ARHGAP10: variants seen among roughly 807,000 people sequenced by gnomAD.
The protein encoded by ARHGAP10 is Rho GTPase activating protein 10, also known as rho GTPase-activating protein 10.
In ARHGAP10, 87 loss-of-function variants were observed where a neutral mutation model predicts 108.6. The ratio of observed to expected loss-of-function variants is 0.80; its 90% confidence interval spans 0.67 to 0.96. The LOEUF (loss-of-function observed/expected upper bound fraction) is 0.96. Ranked by LOEUF, ARHGAP10 falls within the 40% of genes least tolerant of loss-of-function variation. The pLI, the probability that ARHGAP10 is intolerant of heterozygous loss-of-function variation, is 0.00. For missense variants in ARHGAP10, 939 were observed against 954.5 expected (o/e 0.98, Z 0.21); for synonymous variants, 347 against 341.1 (o/e 1.02, Z -0.19).
chr4:148,071,898 C>G, intron 22 of ARHGAP10, 95 bp from the exon 23 acceptor site: 1 of 1,029,086 alleles, frequency 9.7e-7, no homozygotes, highest in East Asian at 2.4e-5. Context: ...CCCCTGTTCT[C>G]TACTGGCCAC....
At chr4:148,070,063 A>C (rs913067378) in intron 22 of ARHGAP10, among the ~76,000 whole-genome samples, 1 of 152,202 alleles carries the variant, frequency 6.6e-6, no homozygotes, top group Non-Finnish European at 1.5e-5. Context: ...TACACAGATA[A>C]TCATGTGTCT....
chr4:147,872,384 A>T (rs1345479178), intron 7 of ARHGAP10, among the ~76,000 whole-genome samples: 1 of 152,220 alleles, frequency 6.6e-6, no homozygotes, highest in Non-Finnish European at 1.5e-5. Context: ...AAGAAACCTG[A>T]AGAACTGGAG....
At position 147,875,062 on chromosome 4, in the gene ARHGAP10, G is replaced by A. The variant is rs371591903; in HGVS notation, c.744G>A (p.Glu248=). The A allele has an allele frequency of 2.1e-4, 333 of 1,608,968 alleles. 4 individuals carry two copies. The South Asian group carries it at 3.5e-3, about 17-fold the overall frequency. The change falls in exon 8 of 23, where the codon GAG becomes GAA. Residue 248 remains glutamate, a synonymous_variant. Transcript: ENST00000336498. The part of the protein sequence containing the change: ...RFEGTRSEVE[E]LMNKIRQNPK... Reference sequence around the variant, plus strand: ...AAGGAACAAGGTCAGAAGTGGAAGAGCTCATGAACAAAATCAGACAGAATC... The same window carrying A: ...AAGGAACAAGGTCAGAAGTGGAAGAACTCATGAACAAAATCAGACAGAATC...
At chr4:147,780,254 C>A (rs756583468) in intron 1 of ARHGAP10, among the ~76,000 whole-genome samples, 1 of 152,108 alleles carries the variant, frequency 6.6e-6, no homozygotes. Flanking sequence ...GAGCTGGTCC[C>A]GTGTCTGGAT....
chr4:147,985,396 G>A (rs1739999197), intron 18 of ARHGAP10, among the ~76,000 whole-genome samples: 1 of 152,180 alleles, frequency 6.6e-6, no homozygotes. Context: ...AGGAGAGGAG[G>A]CTGGGCACCC....
chr4:147,981,565 G>C (rs1169468227), intron 18 of ARHGAP10, among the ~76,000 whole-genome samples: 1 of 152,178 alleles, frequency 6.6e-6, no homozygotes, highest in Non-Finnish European at 1.5e-5. Context: ...ATGCCTATTA[G>C]GTCCGGTTAG....
At chr4:147,800,195 C>T (rs1262439556) in intron 1 of ARHGAP10, among the ~76,000 whole-genome samples, 3 of 152,186 alleles carry the variant, frequency 2.0e-5, no homozygotes, top group Admixed American at 6.5e-5. Flanking sequence ...GAAACGTAGT[C>T]TCAGGACCCT....
At chr4:147,949,235 C>G (rs1259543022) in intron 15 of ARHGAP10, among the ~76,000 whole-genome samples, 2 of 152,170 alleles carry the variant, frequency 1.3e-5, no homozygotes, top group Non-Finnish European at 2.9e-5. Context: ...ATACTTATAT[C>G]AGTATTGCCA....
rs1205300682 is a variant in ARHGAP10 at position 147,761,157 on chromosome 4, C to CA, written c.154+28703dup. Among the ~76,000 whole-genome samples, 6 of 151,856 alleles carry CA rather than the reference C, an allele frequency of 4.0e-5. No homozygotes were observed. In the East Asian group the frequency reaches 1.2e-3, roughly 29 times the overall value. On this transcript the variant is annotated intron_variant, in intron 1 of 22. Coordinates refer to ENST00000336498, the MANE Select transcript of ARHGAP10 (RefSeq NM_024605.4). ...TCAGCCTCCCGAGTAGTTGGGATTACAGGCATGCACCACCATGCCCAGCTG... is the reference window on the plus strand; with the variant it reads ...TCAGCCTCCCGAGTAGTTGGGATTACAAGGCATGCACCACCATGCCCAGCTG...
In ARHGAP10 at chr4:147,847,392, A is replaced by G. The variant is rs375924397; in HGVS notation, c.384+170A>G. 2.7e-4 allele frequency among the ~76,000 whole-genome samples: 41 copies of G among 152,386 alleles called. No homozygotes were observed. In the South Asian group the frequency reaches 7.7e-3, roughly 28 times the overall value. On this transcript the variant is annotated intron_variant, in intron 4 of 22. Coordinates refer to ENST00000336498, the MANE Select transcript of ARHGAP10 (RefSeq NM_024605.4). ...GGGATATGGAATTGGAAACAAAACA[A>G]AAACACCTGGACAAGATGGTAAAAC...
intron 13 of ARHGAP10, among the ~76,000 whole-genome samples, chr4:147,931,664 G>A (rs752007138): frequency 8.5e-5 from 13 of 152,126 alleles, no homozygotes; most frequent in Non-Finnish European, 1.5e-4. Flanking sequence ...GTGGAATACA[G>A]GTTCACGATT....
At chr4:147,814,205 C>T (rs571503016) in intron 1 of ARHGAP10, among the ~76,000 whole-genome samples, 11 of 151,808 alleles carry the variant, frequency 7.2e-5, no homozygotes, top group South Asian at 2.1e-4. Flanking sequence ...AGTCGTTGGT[C>T]GTTTCTTGTG....
intron 1 of ARHGAP10, among the ~76,000 whole-genome samples, chr4:147,774,383 G>A (rs1218651717): frequency 1.3e-5 from 2 of 152,318 alleles, no homozygotes; most frequent in East Asian, 3.9e-4. Flanking sequence ...GGTATCCAAT[G>A]TTGTTGGATG....
chr4:147,773,622 TAAGG>T (rs1730166177), intron 1 of ARHGAP10, among the ~76,000 whole-genome samples: 1 of 152,192 alleles, frequency 6.6e-6, no homozygotes, highest in African/African-American at 2.4e-5. Flanking sequence ...CATGATGTCA[TAAGG>T]ATTTAAAAAC....
chr4:147,850,088 T>G (rs1733801314), intron 4 of ARHGAP10, among the ~76,000 whole-genome samples: 1 of 152,164 alleles, frequency 6.6e-6, no homozygotes, highest in Admixed American at 6.5e-5. Flanking sequence ...CAACCAGCAC[T>G]CTGTGTCTAG....
At chr4:147,784,671 TATATTATA>T (rs1183807592) in intron 1 of ARHGAP10, among the ~76,000 whole-genome samples, 1 of 80,030 alleles carries the variant, frequency 1.2e-5, no homozygotes, top group Non-Finnish European at 1.9e-5. Flanking sequence ...ATATATATTA[TATATTATA>T]AATATAAAAT....
intron 18 of ARHGAP10, among the ~76,000 whole-genome samples, chr4:147,983,782 T>G (rs574079779): frequency 2.0e-5 from 3 of 152,322 alleles, no homozygotes; most frequent in Admixed American, 2.0e-4. Flanking sequence ...TATCCTGGAT[T>G]CTTTATATGT....
chr4:147,992,454 G>A (rs1740313787), intron 18 of ARHGAP10, among the ~76,000 whole-genome samples: 3 of 152,044 alleles, frequency 2.0e-5, no homozygotes, highest in South Asian at 2.1e-4. Flanking sequence ...GTTGCCCAGC[G>A]TGGAGTGCAA....
At chr4:147,946,753 TAACA>T in intron 15 of ARHGAP10, 49 bp downstream of exon 15, 3 of 1,427,898 alleles carry the variant, frequency 2.1e-6, no homozygotes, top group African/African-American at 1.4e-5. Flanking sequence ...TTTGGATCTG[TAACA>T]TAAAACAGAT....
Sources: allele counts gnomAD v4.1 joint callset (sites outside exome capture counted in the v4.1 genomes callset), GRCh38; gene constraint gnomAD v4.1.1; transcripts MANE v1.5; gene names NCBI Gene and HGNC (gene_info 2026-07-23, HGNC 2026-07-21).